The following RYR3 variants were observed in gnomAD, a reference collection of about 807,000 sequenced individuals.
RYR3 encodes brain ryanodine receptor-calcium release channel.
In RYR3, 207 loss-of-function variants were observed where a neutral mutation model predicts 584.3. The observed-to-expected ratio is 0.35, with a 90% confidence interval of 0.32 to 0.40. RYR3 has a LOEUF of 0.40. Ranked by LOEUF, RYR3 falls within the 10% of genes least tolerant of loss-of-function variation. The pLI is 1.00. For missense variants in RYR3, 5,616 were observed against 6,089.2 expected (o/e 0.92, Z 2.59); for synonymous variants, 2,416 against 2,248.5 (o/e 1.07, Z -2.11).
At chr15:33,381,152 T>G (rs1431165056) in intron 1 of RYR3, among the ~76,000 whole-genome samples, 3 of 152,170 alleles carry the variant, frequency 2.0e-5, no homozygotes, top group Non-Finnish European at 4.4e-5. Flanking sequence ...GGAGTCCAGG[T>G]TCCTCAGTTT....
chr15:33,855,581 C>T (rs1196872587), intron 98 of RYR3, among the ~76,000 whole-genome samples: 3 of 151,076 alleles, frequency 2.0e-5, no homozygotes, highest in African/African-American at 7.3e-5. Flanking sequence ...ACATACTGTA[C>T]ACAGAAAACT....
chr15:33,552,858 C>G (rs1464617698), intron 10 of RYR3, among the ~76,000 whole-genome samples: 1 of 152,218 alleles, frequency 6.6e-6, no homozygotes, highest in African/African-American at 2.4e-5. Flanking sequence ...TAAGCATATT[C>G]TTGCCTTGCT....
At chr15:33,484,280 T>C (rs1025572689) in intron 2 of RYR3, among the ~76,000 whole-genome samples, 12 of 119,018 alleles carry the variant, frequency 1.0e-4, no homozygotes, top group Admixed American at 6.1e-4. Flanking sequence ...AGCATGTTTC[T>C]AGGAAGAGAA....
At chr15:33,805,333 C>A (rs929776893) in intron 69 of RYR3, among the ~76,000 whole-genome samples, 7 of 152,070 alleles carry the variant, frequency 4.6e-5, no homozygotes, top group African/African-American at 1.7e-4. Flanking sequence ...AGTGTGATTT[C>A]AGTGGATCGA....
intron 86 of RYR3, 98 bp downstream of exon 86, chr15:33,831,189 C>T: frequency 8.5e-7 from 1 of 1,181,314 alleles, no homozygotes; most frequent in Non-Finnish European, 1.2e-6. Flanking sequence ...ACACAGTGCA[C>T]TATCCATCCA....
intron 67 of RYR3, among the ~76,000 whole-genome samples, chr15:33,794,577 C>T (rs141175657): frequency 3.3e-5 from 5 of 151,946 alleles, no homozygotes; most frequent in African/African-American, 7.2e-5. Flanking sequence ...TCACTATTGA[C>T]GATCAAGACT....
rs1468496238 is a variant in RYR3, at chr15:33,473,409, C to T, written c.52-10C>T. ...CCTTACTCATGTTTGGGTCTCTCTT[C>T]TCCTGGCAGGAGGATGAAGTGGTAC... On this transcript the variant is annotated splice_polypyrimidine_tract_variant and intron_variant, in intron 1 of 103. Coordinates refer to ENST00000634891, the MANE Select transcript of RYR3 (RefSeq NM_001036.6). 1.2e-6 allele frequency: 2 copies of T among 1,601,942 alleles called. No homozygotes were observed. The highest frequency in any genetic ancestry group is 2.2e-5 in the South Asian group (2 of 91,056).
At chr15:33,591,014 T>G (rs1035872242) in intron 16 of RYR3, among the ~76,000 whole-genome samples, 1 of 152,182 alleles carries the variant, frequency 6.6e-6, no homozygotes, top group Non-Finnish European at 1.5e-5. Context: ...ACACAGTCTT[T>G]GGAGTGAAAA....
At chr15:33,363,015 A>G (rs1974988741) in intron 1 of RYR3, among the ~76,000 whole-genome samples, 1 of 152,172 alleles carries the variant, frequency 6.6e-6, no homozygotes, top group African/African-American at 2.4e-5. Flanking sequence ...TGTGTGTTAT[A>G]TACTTCTTCA....
chr15:33,532,402 G>A (rs768358625), intron 4 of RYR3, among the ~76,000 whole-genome samples: 1 of 152,004 alleles, frequency 6.6e-6, no homozygotes, highest in Non-Finnish European at 1.5e-5. Context: ...CATGGTCATG[G>A]GAAGGTCATC....
chr15:33,826,095 A>G (rs993688810), intron 82 of RYR3, among the ~76,000 whole-genome samples, 157 bp from the exon 83 acceptor site: 4 of 152,066 alleles, frequency 2.6e-5, no homozygotes, highest in Non-Finnish European at 5.9e-5. Context: ...GTATGCAAGG[A>G]CTTGCTCTGT....
At chr15:33,564,584 A>G (rs1027739608) in intron 11 of RYR3, among the ~76,000 whole-genome samples, 2 of 152,190 alleles carry the variant, frequency 1.3e-5, no homozygotes, top group Non-Finnish European at 1.5e-5. Flanking sequence ...CAGTAATACC[A>G]TCTAGAGCCT....
intron 1 of RYR3, among the ~76,000 whole-genome samples, chr15:33,330,389 G>A (rs1030004340): frequency 6.6e-6 from 1 of 152,048 alleles, no homozygotes; most frequent in African/African-American, 2.4e-5. Context: ...TGGAGCAGTT[G>A]CCATCATGCC....
chr15:33,449,924 G>A lies in RYR3; in HGVS notation c.52-23495G>A, dbSNP rs187968772. ...AAGGCAGCCGAGGAAGTAGAATGGG[G>A]ACTGGATGAGGTGGAGAATACCCAA... On this transcript the variant is annotated intron_variant, in intron 1 of 103. Coordinates refer to ENST00000634891, the MANE Select transcript of RYR3 (RefSeq NM_001036.6). Among the ~76,000 whole-genome samples, 27 of 152,168 alleles carry A rather than the reference G, an allele frequency of 1.8e-4. No individual in the cohort carries two copies. The East Asian group carries it at 5.0e-3, about 28-fold the overall frequency.
At position 33,539,350 on chromosome 15, in the gene RYR3, G is replaced by C. The variant is rs1485134551; in HGVS notation, c.434G>C (p.Gly145Ala). The C allele has an allele frequency of 1.3e-6, 2 of 1,579,964 alleles. No homozygotes were observed. The highest frequency in any genetic ancestry group is 8.6e-7 in the Non-Finnish European group (1 of 1,159,940). Residue 145 changes from glycine to alanine, a missense_variant and splice_region_variant, in exon 6 of 104, where the codon GGA becomes GCA. Coordinates refer to ENST00000634891, the MANE Select transcript of RYR3 (RefSeq NM_001036.6). ...ACTAACTCAAGGAGCCTTCATGTAG[G>C]AGAAGCCTGTTGGTGGACTATACAT... is the stretch of plus-strand genomic sequence containing the variant. ...FDVGLREHAT[G>A]EACWWTIHPA...
intron 82 of RYR3, 45 bp downstream of exon 82, chr15:33,825,721 A>ATATT: frequency 2.9e-6 from 3 of 1,039,800 alleles, no homozygotes; most frequent in Non-Finnish European, 4.2e-6. Context: ...CCTGATTAAA[A>ATATT]TCTTTTTTTT....
At chr15:33,343,965 T>C (rs1165077862) in intron 1 of RYR3, among the ~76,000 whole-genome samples, 2 of 152,224 alleles carry the variant, frequency 1.3e-5, no homozygotes, top group African/African-American at 4.8e-5. Context: ...TTTTGAAAGA[T>C]GGCAGCTTCT....
intron 2 of RYR3, among the ~76,000 whole-genome samples, chr15:33,487,400 A>G (rs2050542267): frequency 6.6e-6 from 1 of 152,162 alleles, no homozygotes; most frequent in Admixed American, 6.5e-5. Flanking sequence ...AAACAAGGGC[A>G]TGAGACTTTT....
chr15:33,841,111 G>A (rs2078335462), intron 90 of RYR3, among the ~76,000 whole-genome samples: 1 of 152,122 alleles, frequency 6.6e-6, no homozygotes, highest in African/African-American at 2.4e-5. Flanking sequence ...CAGCTACTTG[G>A]GAGGCTGAGG....
Sources: allele counts gnomAD v4.1 joint callset (sites outside exome capture counted in the v4.1 genomes callset), GRCh38; gene constraint gnomAD v4.1.1; transcripts MANE v1.5; gene names NCBI Gene and HGNC (gene_info 2026-07-23, HGNC 2026-07-21).